ARHGEF26: variants seen among roughly 807,000 people sequenced by gnomAD.
ARHGEF26 encodes the protein Rho guanine nucleotide exchange factor (GEF) 26.
In ARHGEF26, 59 loss-of-function variants were observed where a neutral mutation model predicts 89.4. The observed-to-expected ratio is 0.66, with a 90% CI of 0.54 to 0.82. ARHGEF26 has a LOEUF of 0.82. Among genes scored for constraint, ARHGEF26 ranks in the 40% least tolerant of loss-of-function variants. The probability of loss-of-function intolerance (pLI) is 0.00; values close to 1 mark genes in which losing one functional copy is unlikely to be tolerated. For synonymous variants in ARHGEF26, 500 were observed against 428.4 expected, an observed-to-expected ratio of 1.17 and a Z score of -2.06; for missense variants, 1,234 against 1,085.6, an observed-to-expected ratio of 1.14 and a Z score of -1.92.
At chr3:154,189,604 T>G (rs1576756513) in intron 7 of ARHGEF26, among the ~76,000 whole-genome samples, 1 of 152,186 alleles carries the variant, frequency 6.6e-6, no homozygotes, top group African/African-American at 2.4e-5. Context: ...CCCAAAGTGC[T>G]GGGATTACAC....
At chr3:154,133,994 G>A (rs570089226) in intron 4 of ARHGEF26, among the ~76,000 whole-genome samples, 1 of 152,218 alleles carries the variant, frequency 6.6e-6, no homozygotes, top group African/African-American at 2.4e-5. Context: ...CTCTTGGCTT[G>A]ACTGTTGTTG....
intron 9 of ARHGEF26, among the ~76,000 whole-genome samples, chr3:154,217,552 T>G (rs1367921236): frequency 6.6e-6 from 1 of 152,210 alleles, no homozygotes; most frequent in African/African-American, 2.4e-5. Flanking sequence ...ACTGGTCACA[T>G]GCTTTACACA....
intron 9 of ARHGEF26, among the ~76,000 whole-genome samples, chr3:154,211,877 G>GTGTGTA (rs1553747667): frequency 6.6e-6 from 1 of 151,800 alleles, no homozygotes. Context: ...ATGTGTGTGT[G>GTGTGTA]TGTGTGTGTA....
Position 154,122,813 on chromosome 3 carries a change from G to C in ARHGEF26, c.821G>C (p.Arg274Thr), listed in dbSNP as rs1309346446. Residue 274 changes from arginine to threonine, a missense_variant, in exon 2 of 15, where the codon AGA (arginine) becomes ACA (threonine). Arg to Thr is a moderately conservative substitution (Grantham distance 71). Transcript: ENST00000465093. ...AATCAAAATGTGGAGCCCCACAAGA[G>C]ACTCCTCAAGGTGCGCAGCATGGTG... Reference protein sequence around the residue: ...SNNQNVEPHKRLLKVRSMVEG... With the variant: ...SNNQNVEPHKTLLKVRSMVEG... The C allele has an allele frequency of 6.2e-7, 1 of 1,612,244 alleles. No individual in the cohort carries two copies. The highest frequency in any genetic ancestry group is 8.5e-7 in the Non-Finnish European group (1 of 1,179,218).
rs1230111330 is a variant in ARHGEF26 at position 154,191,324 on chromosome 3, G to A, written c.1676G>A (p.Arg559Lys). 6.2e-7 allele frequency: 1 copy of A among 1,613,078 alleles called. No individual in the cohort carries two copies. Among genetic ancestry groups the A allele is most frequent in the African/African-American group, 1.3e-5 (1 of 74,882 alleles). The part of the protein sequence containing the change: ...TNPSFKEVLS[R>K]IESHEDCRNL... ...CCATCCTTTAAGGAAGTATTGTCAA[G>A]GATTGAGTCCCATGAAGACTGTAGG... Residue 559 changes from arginine (R) to lysine (K), a missense_variant, in exon 8 of 15, where the codon AGG becomes AAG. Physicochemically the swap from Arg to Lys is conservative, Grantham distance 26. Coordinates refer to ENST00000465093, the MANE Select transcript of ARHGEF26 (RefSeq NM_015595.4).
chr3:154,244,894 G>T (rs1443511685), intron 12 of ARHGEF26, among the ~76,000 whole-genome samples: 1 of 148,088 alleles, frequency 6.8e-6, no homozygotes, highest in African/African-American at 2.5e-5. Context: ...CCAACCAGTA[G>T]GCTGTTCCAC....
At chr3:154,250,249 G>A (rs922148093) in intron 12 of ARHGEF26, among the ~76,000 whole-genome samples, 1 of 152,098 alleles carries the variant, frequency 6.6e-6, no homozygotes, top group South Asian at 2.1e-4. Flanking sequence ...GGCTGGTCTC[G>A]AACTCCTGAC....
chr3:154,208,007 A>G (rs533666985), intron 9 of ARHGEF26, among the ~76,000 whole-genome samples: 1 of 152,266 alleles, frequency 6.6e-6, no homozygotes, highest in East Asian at 1.9e-4. Flanking sequence ...AAAAACACAT[A>G]CCACATGTTC....
intron 3 of ARHGEF26, 65 bp downstream of exon 3, chr3:154,124,514 A>T: frequency 7.3e-7 from 1 of 1,376,020 alleles, no homozygotes; most frequent in Middle Eastern, 1.8e-4. Flanking sequence ...ATAAGTTGAA[A>T]TCCAACTGCA....
At position 154,226,690 on chromosome 3, in the gene ARHGEF26, CACA is replaced by C. The variant is rs751944089; in HGVS notation, c.2090+681_2090+683del. Among the ~76,000 whole-genome samples the C allele has an allele frequency of 1.3e-5, 2 of 151,966 alleles. 1 individual carries two copies. The highest frequency in any genetic ancestry group is 4.8e-5 in the African/African-American group (2 of 41,344). On this transcript the variant is annotated intron_variant, in intron 11 of 14. Transcript: ENST00000465093. ...ACACACACACACACACACACACACA[CACA>C]CACCCCTTCAGCTCTGCCTTTCTCT...
At chr3:154,199,214 G>T (rs796272799) in intron 9 of ARHGEF26, among the ~76,000 whole-genome samples, 1 of 150,592 alleles carries the variant, frequency 6.6e-6, no homozygotes, top group African/African-American at 2.4e-5. Context: ...CCCAGCCCCC[G>T]ACTACCCTTC....
intron 6 of ARHGEF26, among the ~76,000 whole-genome samples, chr3:154,162,571 G>A (rs1276792339): frequency 2.0e-5 from 3 of 152,168 alleles, no homozygotes; most frequent in Non-Finnish European, 4.4e-5. Flanking sequence ...GCCATTGCAT[G>A]TGTGGAGTTT....
At chr3:154,247,886 C>CTA (rs1288663037) in intron 12 of ARHGEF26, among the ~76,000 whole-genome samples, 2 of 152,180 alleles carry the variant, frequency 1.3e-5, no homozygotes, top group Non-Finnish European at 2.9e-5. Flanking sequence ...ATACAGAAGT[C>CTA]TACCCTTTAT....
intron 6 of ARHGEF26, among the ~76,000 whole-genome samples, chr3:154,161,389 A>C (rs922963247): frequency 6.6e-6 from 1 of 152,138 alleles, no homozygotes; most frequent in African/African-American, 2.4e-5. Context: ...TCATTTAATA[A>C]GGATGATAGT....
At chr3:154,165,799 G>A (rs540544700) in intron 6 of ARHGEF26, among the ~76,000 whole-genome samples, 1 of 152,232 alleles carries the variant, frequency 6.6e-6, no homozygotes, top group African/African-American at 2.4e-5. Context: ...TTCACTTGCT[G>A]TGAGTCTGTT....
intron 6 of ARHGEF26, among the ~76,000 whole-genome samples, chr3:154,154,524 A>G (rs1720212246): frequency 6.6e-6 from 1 of 151,962 alleles, no homozygotes; most frequent in South Asian, 2.1e-4. Flanking sequence ...AAACATAAAG[A>G]AGAAAGTCTA....
chr3:154,124,848 C>G (rs1308051122), intron 3 of ARHGEF26, among the ~76,000 whole-genome samples: 1 of 152,126 alleles, frequency 6.6e-6, no homozygotes, highest in Non-Finnish European at 1.5e-5. Context: ...CATATTTCCA[C>G]ATTTGATTAT....
chr3:154,180,726 A>G (rs1167410574), intron 6 of ARHGEF26, among the ~76,000 whole-genome samples: 1 of 60,710 alleles, frequency 1.6e-5, no homozygotes, highest in Non-Finnish European at 3.2e-5. Flanking sequence ...TCCTCTTATT[A>G]TCAATCCAGA....
At chr3:154,239,493 A>G (rs1330825622) in intron 11 of ARHGEF26, among the ~76,000 whole-genome samples, 2 of 151,926 alleles carry the variant, frequency 1.3e-5, no homozygotes, top group African/African-American at 2.4e-5. Flanking sequence ...AGGAGGAGGA[A>G]GTGATCATTG....
Sources: gnomAD v4.1 joint callset for allele counts (sites outside exome capture counted in the v4.1 genomes callset) on GRCh38, gnomAD v4.1.1 for gene constraint, MANE v1.5 for transcripts, NCBI Gene and HGNC (gene_info 2026-07-23, HGNC 2026-07-21) for gene names.